Variants in OR9Q1 observed in about 807,000 individuals in gnomAD.
OR9Q1 encodes the protein olfactory receptor 9Q1.
For missense variants in OR9Q1, 374 were observed against 378.8 expected, an observed-to-expected ratio of 0.99 and a Z score of 0.11; for synonymous variants, 153 against 148.6, an observed-to-expected ratio of 1.03 and a Z score of -0.22.
intron 2 of OR9Q1, among the ~76,000 whole-genome samples, chr11:58,093,936 C>T (rs996792152): frequency 7.2e-5 from 11 of 152,048 alleles, no homozygotes; most frequent in African/African-American, 2.7e-4. Flanking sequence ...AGCAATCCCA[C>T]TACTGGATAT....
At chr11:58,117,068 A>G (rs1032526451) in intron 2 of OR9Q1, 2 of 152,094 alleles carry the variant, frequency 1.3e-5, no homozygotes, top group Non-Finnish European at 2.9e-5. Flanking sequence ...TTGGTGATCT[A>G]TTTTGCTTTT....
chr11:58,125,476 C>T (rs1313168659), intron 2 of OR9Q1: 2 of 152,148 alleles, frequency 1.3e-5, no homozygotes, highest in Non-Finnish European at 2.9e-5. Flanking sequence ...TGTAGTCAAG[C>T]TAAGCTAAGG....
At chr11:58,170,002 T>G (rs998790548) in intron 2 of OR9Q1, among the ~76,000 whole-genome samples, 1 of 152,140 alleles carries the variant, frequency 6.6e-6, no homozygotes, top group African/African-American at 2.4e-5. Flanking sequence ...TCTCAGTGAC[T>G]TTTAATATGG....
At chr11:58,178,728 G>A (rs1236113845) in intron 2 of OR9Q1, among the ~76,000 whole-genome samples, 1 of 151,682 alleles carries the variant, frequency 6.6e-6, no homozygotes, top group African/African-American at 2.4e-5. Flanking sequence ...ATAGAGGTGC[G>A]AGAATGTGCA....
Position 58,180,563 on chromosome 11 carries a change from T to C in OR9Q1, c.*186T>C, listed in dbSNP as rs1854655784. 2 of 445,666 alleles carry C rather than the reference T, an allele frequency of 4.5e-6. No homozygotes were observed. Among genetic ancestry groups the C allele is most frequent in the Non-Finnish European group, 8.2e-6 (2 of 245,014 alleles). 27.6% of individuals were successfully genotyped at this position (445,666 alleles called of 1,614,324 possible). On this transcript the variant is annotated 3_prime_UTR_variant, in exon 3 of 3. Transcript: ENST00000335397. ...AAGGAAAAGTCAACCTGAAAAGAGATTGGAGTGGGAGTTTTGATTCCCAGG... is the reference window on the plus strand; with the variant it reads ...AAGGAAAAGTCAACCTGAAAAGAGACTGGAGTGGGAGTTTTGATTCCCAGG...
chr11:58,120,698 T>G (rs942900702), intron 2 of OR9Q1, among the ~76,000 whole-genome samples: 9 of 151,550 alleles, frequency 5.9e-5, no homozygotes, highest in Non-Finnish European at 8.8e-5. Flanking sequence ...CAATTTTAGT[T>G]GGTAGCTATT....
chr11:58,133,998 A>T (rs1854167701), intron 2 of OR9Q1, among the ~76,000 whole-genome samples: 1 of 152,198 alleles, frequency 6.6e-6, no homozygotes, highest in Non-Finnish European at 1.5e-5. Context: ...AGATTCCTGC[A>T]GTTCAGAGTC....
intron 1 of OR9Q1, among the ~76,000 whole-genome samples, chr11:58,032,944 A>G (rs1853058286): frequency 6.6e-6 from 1 of 152,246 alleles, no homozygotes; most frequent in Non-Finnish European, 1.5e-5. Flanking sequence ...AAGTGGGTAG[A>G]GGACATGAAC....
In OR9Q1 at chr11:58,179,649, A is replaced by C. The variant is rs1381352205; in HGVS notation, c.205A>C (p.Met69Leu). The C allele has an allele frequency of 6.2e-7, 1 of 1,613,262 alleles. No homozygotes were observed. The highest frequency in any genetic ancestry group is 8.5e-7 in the Non-Finnish European group (1 of 1,179,366). ...TTTCCTTCTGAGTCACCTCGCTTTC[A>C]TGGACGTCTGCTACTCATCTATCAC... The part of the protein sequence containing the change: ...MYFLLSHLAF[M>L]DVCYSSITVP... The change falls in exon 3 of 3, where the codon ATG (methionine) becomes CTG (leucine). Residue 69 changes from methionine (M) to leucine (L), a missense_variant. Coordinates refer to ENST00000335397, the MANE Select transcript of OR9Q1 (RefSeq NM_001005212.4).
At chr11:58,045,473 A>T (rs1053460221) in intron 1 of OR9Q1, 2 of 152,172 alleles carry the variant, frequency 1.3e-5, no homozygotes, top group African/African-American at 4.8e-5. Flanking sequence ...ACCTCAAATG[A>T]TCCATCTGTC....
At chr11:58,078,903 A>G (rs1179458550) in intron 2 of OR9Q1, among the ~76,000 whole-genome samples, 2 of 152,182 alleles carry the variant, frequency 1.3e-5, no homozygotes, top group East Asian at 3.9e-4. Context: ...TCAGAATTGG[A>G]AAAGACTTGG....
intron 2 of OR9Q1, among the ~76,000 whole-genome samples, chr11:58,113,636 T>C (rs1469798167): frequency 2.0e-5 from 3 of 152,182 alleles, no homozygotes; most frequent in African/African-American, 7.2e-5. Context: ...CAGTTGGTGA[T>C]GGTGTTGTAT....
chr11:58,143,115 G>T (rs560739418), intron 2 of OR9Q1, among the ~76,000 whole-genome samples: 86 of 152,280 alleles, frequency 5.6e-4, no homozygotes, highest in Non-Finnish European at 1.0e-3. Context: ...GGTGGCTGTG[G>T]ACTTAAGATT....
rs367947001 is a variant in OR9Q1 at position 58,112,181 on chromosome 11, T to A, written c.-15+56234T>A. ...GGTGGCCTGTGCTTGTAATCCCAAT[T>A]ACTTGGGAGGCTGAGGCAGGAGAAT... On this transcript the variant is annotated intron_variant, in intron 2 of 2. Coordinates refer to ENST00000335397, the MANE Select transcript of OR9Q1 (RefSeq NM_001005212.4). Among the ~76,000 whole-genome samples, 28 of 152,050 alleles carry A rather than the reference T, an allele frequency of 1.8e-4. No individual in the cohort carries two copies. In the South Asian group the frequency reaches 5.4e-3, roughly 29 times the overall value.
chr11:58,029,126 TCA>T (rs1435322847), intron 1 of OR9Q1, among the ~76,000 whole-genome samples: 1 of 152,208 alleles, frequency 6.6e-6, no homozygotes, highest in Non-Finnish European at 1.5e-5. Flanking sequence ...GTTATTTAGC[TCA>T]CAGATTTTTA....
At chr11:58,048,245 G>C (rs1468095820) in intron 1 of OR9Q1, among the ~76,000 whole-genome samples, 1 of 152,066 alleles carries the variant, frequency 6.6e-6, no homozygotes, top group Non-Finnish European at 1.5e-5. Context: ...AAAGAAGTGT[G>C]GCTGATAAAA....
At chr11:58,101,818 C>T (rs568480188) in intron 2 of OR9Q1, among the ~76,000 whole-genome samples, 1 of 152,298 alleles carries the variant, frequency 6.6e-6, no homozygotes, top group Non-Finnish European at 1.5e-5. Context: ...ACAATCTCAG[C>T]TCACTGCAAC....
chr11:58,070,468 C>A (rs896862085), intron 2 of OR9Q1, among the ~76,000 whole-genome samples: 2 of 152,184 alleles, frequency 1.3e-5, no homozygotes, highest in Non-Finnish European at 2.9e-5. Flanking sequence ...AAATCTCCCC[C>A]ATCCTACCTT....
At chr11:58,146,551 C>G (rs1387721048) in intron 2 of OR9Q1, among the ~76,000 whole-genome samples, 4 of 152,164 alleles carry the variant, frequency 2.6e-5, no homozygotes, top group Non-Finnish European at 4.4e-5. Flanking sequence ...GAGATTAGAA[C>G]TTGGGATATA....
Sources: gnomAD v4.1 joint callset for allele counts (sites outside exome capture counted in the v4.1 genomes callset) on GRCh38, gnomAD v4.1.1 for gene constraint, MANE v1.5 for transcripts, NCBI Gene and HGNC (gene_info 2026-07-23, HGNC 2026-07-21) for gene names.